The following CFAP77 variants were observed in gnomAD, a reference collection of about 807,000 sequenced individuals.
CFAP77 encodes cilia- and flagella-associated protein 77.
In CFAP77, 25 loss-of-function variants were observed where a neutral mutation model predicts 31.1. The observed-to-expected ratio is 0.80, with a 90% CI of 0.59 to 1.12. CFAP77 has a LOEUF of 1.12. Ranked by LOEUF, CFAP77 falls within the 50% of genes most tolerant of loss-of-function variation. The pLI, the probability that CFAP77 is intolerant of heterozygous loss-of-function variation, is 0.00. For missense variants in CFAP77, 377 were observed against 397.3 expected (o/e 0.95, Z 0.44); for synonymous variants, 151 against 159.9 (o/e 0.94, Z 0.42).
chr9:132,486,739 G>GC (rs1257123801), intron 1 of CFAP77, among the ~76,000 whole-genome samples: 1 of 152,234 alleles, frequency 6.6e-6, no homozygotes, highest in Non-Finnish European at 1.5e-5. Context: ...CCTTCTCCGA[G>GC]TGTAATCAAA....
chr9:132,519,732 GTGGA>G (rs1327417980), intron 3 of CFAP77, among the ~76,000 whole-genome samples: 36 of 118,384 alleles, frequency 3.0e-4, no homozygotes, highest in Admixed American at 1.4e-3. Context: ...GAATGGATGG[GTGGA>G]TGGATGGATG....
chr9:132,523,038 C>T (rs1194776589), intron 3 of CFAP77, among the ~76,000 whole-genome samples: 3 of 151,986 alleles, frequency 2.0e-5, no homozygotes, highest in Non-Finnish European at 2.9e-5. Flanking sequence ...GTTCTGCTCC[C>T]CTGCCTCGGG....
At position 132,564,255 on chromosome 9, in the gene CFAP77, G is replaced by A. The variant is rs909115918; in HGVS notation, c.733-8133G>A. On this transcript the variant is annotated intron_variant, in intron 5 of 5. Transcript: ENST00000393216. This position sits in a 1 kb window ranked among gnomAD's most constrained non-coding sequence, Gnocchi z 4.6. Reference sequence around the variant, plus strand: ...GGGCCACATCTTAGCCTCAACCCAGGTCCCATGGACATCTTCTCTAGGATA... The same window carrying A: ...GGGCCACATCTTAGCCTCAACCCAGATCCCATGGACATCTTCTCTAGGATA... 6.6e-6 allele frequency among the ~76,000 whole-genome samples: 1 copy of A among 152,112 alleles called. No individual in the cohort carries two copies. The highest frequency in any genetic ancestry group is 2.4e-5 in the African/African-American group (1 of 41,416).
At chr9:132,523,710 G>A (rs1029263326) in intron 3 of CFAP77, among the ~76,000 whole-genome samples, 3 of 152,190 alleles carry the variant, frequency 2.0e-5, no homozygotes, top group South Asian at 2.1e-4. Flanking sequence ...AGGCTTCCTC[G>A]GCTTTTCTGG....
rs189296371 is a variant in CFAP77 at position 132,538,632 on chromosome 9, G to C, written c.630+926G>C. ...GTCTCTCCTAAAAATACAAAAATTAGCTGGGCATGATAGTGGGCACCTGTA... is the reference window on the plus strand; with the variant it reads ...GTCTCTCCTAAAAATACAAAAATTACCTGGGCATGATAGTGGGCACCTGTA... On this transcript the variant is annotated intron_variant, in intron 4 of 5. Transcript: ENST00000393216. Among the ~76,000 whole-genome samples, 121 of 152,212 alleles carry C rather than the reference G, an allele frequency of 7.9e-4. 1 individual carries two copies. The highest frequency in any genetic ancestry group is 1.4e-3 in the Admixed American group (21 of 15,286).
intron 1 of CFAP77, among the ~76,000 whole-genome samples, chr9:132,468,585 A>G (rs1247268668): frequency 6.6e-6 from 1 of 152,124 alleles, no homozygotes; most frequent in East Asian, 1.9e-4. Flanking sequence ...TGACCACTCA[A>G]GAGCAGGCCA....
chr9:132,429,537 C>CAAAAAA (rs762588728), intron 1 of CFAP77, among the ~76,000 whole-genome samples: 9 of 39,440 alleles, frequency 2.3e-4, no homozygotes, highest in Admixed American at 7.1e-4. Flanking sequence ...GACTTCAACT[C>CAAAAAA]AAAAAAAAAA....
At chr9:132,505,151 G>A (rs1235319569) in intron 3 of CFAP77, among the ~76,000 whole-genome samples, 1 of 152,214 alleles carries the variant, frequency 6.6e-6, no homozygotes, top group Non-Finnish European at 1.5e-5. Context: ...GAGCAGAGGG[G>A]TTGTGACTGC....
At chr9:132,489,232 A>G (rs1851614649) in intron 1 of CFAP77, among the ~76,000 whole-genome samples, 1 of 152,238 alleles carries the variant, frequency 6.6e-6, no homozygotes, top group South Asian at 2.1e-4. Context: ...CTAAAAATTC[A>G]GACATAAGAA....
intron 5 of CFAP77, among the ~76,000 whole-genome samples, chr9:132,556,640 G>A (rs1214688819): frequency 6.6e-6 from 1 of 152,206 alleles, no homozygotes; most frequent in African/African-American, 2.4e-5. Context: ...GAGCCGGGCT[G>A]ACGAGCCCCT....
Position 132,572,497 on chromosome 9 carries a change from A to G in CFAP77, c.842A>G (p.Tyr281Cys), listed in dbSNP as rs746932658. 1.2e-6 allele frequency: 2 copies of G among 1,606,410 alleles called. No homozygotes were observed. Among genetic ancestry groups the G allele is most frequent in the South Asian group, 1.1e-5 (1 of 90,982 alleles). ...CAGGGGACCCTGCGGATGGGCAACTACACCCACCCCTAGCCCCTCCCTCCC... is the reference window on the plus strand; with the variant it reads ...CAGGGGACCCTGCGGATGGGCAACTGCACCCACCCCTAGCCCCTCCCTCCC... ...VRQGTLRMGN[Y>C]THP Residue 281 changes from tyrosine to cysteine, a missense_variant, in exon 6 of 6, where the codon TAC (tyrosine) becomes TGC (cysteine). Physicochemically the swap from Tyr to Cys is radical, Grantham distance 194. Coordinates refer to ENST00000393216, the MANE Select transcript of CFAP77 (RefSeq NM_001282957.2).
rs566290040 is a variant in CFAP77, at chr9:132,539,429, G to T, written c.630+1723G>T. 6.6e-6 allele frequency among the ~76,000 whole-genome samples: 1 copy of T among 152,176 alleles called. No homozygotes were observed. Among genetic ancestry groups the T allele is most frequent in the East Asian group, 1.9e-4 (1 of 5,166 alleles). ...ATCATCTCAGTTTGGTTTATTTCAC[G>T]GGGAAACTAGGGCTCAGAGAGATGA... On this transcript the variant is annotated intron_variant, in intron 4 of 5. Coordinates refer to ENST00000393216, the MANE Select transcript of CFAP77 (RefSeq NM_001282957.2). This position sits in a 1 kb window ranked among gnomAD's most constrained non-coding sequence, Gnocchi z 4.3.
chr9:132,488,491 A>G (rs1181298092), intron 1 of CFAP77, among the ~76,000 whole-genome samples: 1 of 152,186 alleles, frequency 6.6e-6, no homozygotes, highest in African/African-American at 2.4e-5. Flanking sequence ...GTTAAGGGGA[A>G]AAAAAAGTAG....
rs777276810 is a variant in CFAP77, at chr9:132,440,795, C to G, written c.195+30329C>G. On this transcript the variant is annotated intron_variant, in intron 1 of 5. Coordinates refer to ENST00000393216, the MANE Select transcript of CFAP77 (RefSeq NM_001282957.2). ...GAGGCTCAGAGAGGTGTAGGGACTTCGATAACCCATCAGTGGTAGACAATG... is the reference window on the plus strand; with the variant it reads ...GAGGCTCAGAGAGGTGTAGGGACTTGGATAACCCATCAGTGGTAGACAATG... Among the ~76,000 whole-genome samples, 4 of 152,282 alleles carry G rather than the reference C, an allele frequency of 2.6e-5. No homozygotes were observed. The South Asian group carries it at 8.3e-4, about 32-fold the overall frequency.
chr9:132,420,375 C>T (rs1850191554), intron 1 of CFAP77, among the ~76,000 whole-genome samples: 6 of 151,470 alleles, frequency 4.0e-5, no homozygotes, highest in Admixed American at 4.0e-4. Flanking sequence ...AAGGTGTTTT[C>T]AGCAAGAATG....
At chr9:132,509,729 A>G (rs1379761852) in intron 3 of CFAP77, among the ~76,000 whole-genome samples, 5 of 152,136 alleles carry the variant, frequency 3.3e-5, no homozygotes, top group African/African-American at 1.2e-4. Context: ...AGATTGCACC[A>G]CTACACCCCA....
rs1035121403 is a variant in CFAP77, at chr9:132,523,161, C to T, written c.525-14440C>T. On this transcript the variant is annotated intron_variant, in intron 3 of 5. Coordinates refer to ENST00000393216, the MANE Select transcript of CFAP77 (RefSeq NM_001282957.2). The stretch of plus-strand genomic sequence containing the variant: ...GGAGTGCAGTGGCATGATCTCTGTT[C>T]ACTGTAACCTCCGTCTTCCGGGTTC... 1.1e-4 allele frequency among the ~76,000 whole-genome samples: 17 copies of T among 150,656 alleles called. 1 individual carries two copies. The highest frequency in any genetic ancestry group is 8.6e-4 in the Admixed American group (13 of 15,056).
intron 1 of CFAP77, 145 bp downstream of exon 1, chr9:132,410,611 T>G: frequency 1.5e-6 from 1 of 675,580 alleles, no homozygotes; most frequent in East Asian, 3.4e-5. Flanking sequence ...CAGACAGGCC[T>G]GGACCCCCAT....
chr9:132,456,473 CCTT>C (rs1680766630), intron 1 of CFAP77, among the ~76,000 whole-genome samples: 1 of 152,204 alleles, frequency 6.6e-6, no homozygotes, highest in South Asian at 2.1e-4. Flanking sequence ...TTCAAATGAA[CCTT>C]CTGAAAATAC....
Sources: gnomAD v4.1 joint callset for allele counts (sites outside exome capture counted in the v4.1 genomes callset) on GRCh38, gnomAD v4.1.1 for gene constraint, Gnocchi (gnomAD v3.1) non-coding constraint, MANE v1.5 for transcripts, NCBI Gene and HGNC (gene_info 2026-07-23, HGNC 2026-07-21) for gene names.